The following CD302 variants were observed in gnomAD, a reference collection of about 807,000 sequenced individuals.
CD302 encodes the protein CD302 molecule.
In CD302, 23 loss-of-function variants were observed where a neutral mutation model predicts 26.5. The observed-to-expected ratio is 0.87, with a 90% CI of 0.62 to 1.23. The LOEUF (loss-of-function observed/expected upper bound fraction) is 1.23, where lower values mean the gene tolerates loss of function less well. Ranked by LOEUF, CD302 falls within the 50% of genes most tolerant of loss-of-function variation. CD302 has a pLI of 0.00. For missense variants in CD302, 290 were observed against 275.5 expected (o/e 1.05, Z -0.37); for synonymous variants, 90 against 99.4 (o/e 0.91, Z 0.56).
chr2:159,771,600 C>T lies in CD302; in HGVS notation c.*251G>A. 2.7e-6 allele frequency: 1 copy of T among 373,654 alleles called. No homozygotes were observed. The highest frequency in any genetic ancestry group is 5.2e-5 in the East Asian group (1 of 19,364). 23.1% of individuals were successfully genotyped at this position (373,654 alleles called of 1,614,324 possible). A position where few individuals can be genotyped will look rare whatever the true frequency, so the allele number is the denominator to read the frequency against. ...TCTGCTTGGGCTTTAAGCTTTCCTT[C>T]ATTCAAGTGACAGATTCTGCCTTTG... is the stretch of plus-strand genomic sequence containing the variant. On this transcript the variant is annotated 3_prime_UTR_variant, in exon 6 of 6. Transcript: ENST00000259053.
chr2:159,778,706 A>G (rs1418250484), intron 4 of CD302, among the ~76,000 whole-genome samples: 1 of 152,168 alleles, frequency 6.6e-6, no homozygotes, highest in Non-Finnish European at 1.5e-5. Context: ...TAAAAAAACT[A>G]AAAACTTTTT....
At chr2:159,793,653 A>C (rs1708867914) in intron 1 of CD302, among the ~76,000 whole-genome samples, 1 of 152,214 alleles carries the variant, frequency 6.6e-6, no homozygotes, top group South Asian at 2.1e-4. Context: ...TATTACATTT[A>C]TAATGTATGG....
At chr2:159,777,893 T>C (rs1351163947) in intron 5 of CD302, 45 bp downstream of exon 5, 2 of 943,180 alleles carry the variant, frequency 2.1e-6, no homozygotes, top group Admixed American at 2.5e-5. Flanking sequence ...AATTTTGATA[T>C]ATTTTTAATT....
chr2:159,776,967 T>G (rs1303362839), intron 5 of CD302, among the ~76,000 whole-genome samples: 1 of 152,112 alleles, frequency 6.6e-6, no homozygotes, highest in African/African-American at 2.4e-5. Flanking sequence ...TCAAAAAAAA[T>G]ATGGGTGGCT....
At chr2:159,782,766 T>C (rs1450332131) in intron 2 of CD302, among the ~76,000 whole-genome samples, 2 of 151,962 alleles carry the variant, frequency 1.3e-5, no homozygotes, top group East Asian at 3.9e-4. Flanking sequence ...TACAATGTGA[T>C]GTTATAAATC....
At chr2:159,790,122 A>G (rs1708770189) in intron 1 of CD302, among the ~76,000 whole-genome samples, 1 of 152,176 alleles carries the variant, frequency 6.6e-6, no homozygotes, top group Non-Finnish European at 1.5e-5. Flanking sequence ...AGCAACTCCT[A>G]TGTGTTAGGT....
rs146180671 is a variant in CD302, at chr2:159,782,640, A to C, written c.178+719T>G. ...TTCAGGGGGCTGACATGGGAGGATC[A>C]CTTGAACCCAGGAGTTCAAGGCTGT... is the stretch of plus-strand genomic sequence containing the variant. On this transcript the variant is annotated intron_variant, in intron 2 of 5. Transcript: ENST00000259053. Among the ~76,000 whole-genome samples, 63 of 151,152 alleles carry C rather than the reference A, an allele frequency of 4.2e-4. 1 individual carries two copies. The East Asian group carries it at 0.01, about 25-fold the overall frequency.
intron 1 of CD302, among the ~76,000 whole-genome samples, chr2:159,797,356 CTG>C (rs1682473662): frequency 6.6e-6 from 1 of 152,078 alleles, no homozygotes; most frequent in Non-Finnish European, 1.5e-5. Context: ...TTTTGGAAGT[CTG>C]TGTTCTCCAG....
chr2:159,789,309 GT>G (rs1708747042), intron 1 of CD302, among the ~76,000 whole-genome samples: 1 of 151,820 alleles, frequency 6.6e-6, no homozygotes, highest in African/African-American at 2.4e-5. Flanking sequence ...GCCTACTTCA[GT>G]TTTTCATGCT....
At chr2:159,789,918 TG>T (rs1358316780) in intron 1 of CD302, among the ~76,000 whole-genome samples, 1 of 152,250 alleles carries the variant, frequency 6.6e-6, no homozygotes. Flanking sequence ...CTCAGCAAAC[TG>T]CCTTAGCAGC....
Position 159,770,992 on chromosome 2 carries a change from G to T in CD302, c.*859C>A, listed in dbSNP as rs1335946990. On this transcript the variant is annotated 3_prime_UTR_variant, in exon 6 of 6. Transcript: ENST00000259053. ...ATGATTTTCACCTTTTTCTTAAAAT[G>T]TACAATAAATGCACTGAAAACTTTG... The T allele has an allele frequency of 6.6e-6, 1 of 152,078 alleles. No individual in the cohort carries two copies. The highest frequency in any genetic ancestry group is 1.5e-5 in the Non-Finnish European group (1 of 67,984). The allele number at this position is 152,078 out of a possible 1,614,324, so 9.4% of individuals were successfully genotyped here.
chr2:159,780,738 T>G, intron 3 of CD302, 144 bp downstream of exon 3: 2 of 735,268 alleles, frequency 2.7e-6, no homozygotes, highest in South Asian at 3.1e-5. Flanking sequence ...CAAGCTGTGG[T>G]ATGATCATAG....
intron 1 of CD302, among the ~76,000 whole-genome samples, chr2:159,797,845 T>C (rs1240143000): frequency 3.9e-5 from 6 of 152,070 alleles, no homozygotes; most frequent in Admixed American, 3.9e-4. Context: ...CTGGCCTAAT[T>C]TGGGGGTTCC....
At chr2:159,778,183 C>T (rs1489535784) in intron 4 of CD302, among the ~76,000 whole-genome samples, 1 of 152,050 alleles carries the variant, frequency 6.6e-6, no homozygotes, top group African/African-American at 2.4e-5. Context: ...TAACAACATG[C>T]ATTAGCTTGG....
At chr2:159,784,197 G>A (rs1020147551) in intron 1 of CD302, among the ~76,000 whole-genome samples, 1 of 152,042 alleles carries the variant, frequency 6.6e-6, no homozygotes, top group African/African-American at 2.4e-5. Context: ...GATTTCACTG[G>A]CCAAAATGGA....
In CD302 at chr2:159,798,175, C is replaced by T. The variant is rs1429295966; in HGVS notation, c.24G>A (p.Ala8=). 4.7e-6 allele frequency: 7 copies of T among 1,478,072 alleles called. No individual in the cohort carries two copies. Among genetic ancestry groups the T allele is most frequent in the Non-Finnish European group, 6.2e-6 (7 of 1,120,634 alleles). The allele number at this position is 1,478,072 out of a possible 1,614,324, so 91.6% of individuals were successfully genotyped here. A position where few individuals can be genotyped will look rare whatever the true frequency, so the allele number is the denominator to read the frequency against. ...CGAGGCCCAGCAACGGCAGCAGGAG[C>T]GCGGGCAGCGCGGCCCGGAGCATGA... MLRAALP[A]LLLPLLGLAA... Residue 8 remains alanine (A), a synonymous_variant, in exon 1 of 6, where the codon GCG becomes GCA. Transcript: ENST00000259053.
intron 4 of CD302, among the ~76,000 whole-genome samples, chr2:159,778,936 TA>T (rs1708419861): frequency 6.6e-6 from 1 of 152,024 alleles, no homozygotes; most frequent in Non-Finnish European, 1.5e-5. Context: ...TTCTGTTCAT[TA>T]AAAAACCTTC....
rs1051213881 is a variant in CD302 at position 159,793,987 on chromosome 2, G to A, written c.67+4145C>T. Among the ~76,000 whole-genome samples, 10 of 151,882 alleles carry A rather than the reference G, an allele frequency of 6.6e-5. No homozygotes were observed. The South Asian group carries it at 1.0e-3, about 16-fold the overall frequency. ...TCTCAAAATCTAAAATAGGCCAGGC[G>A]TGGCAGTTCACACCTGTAATCCCAG... is the stretch of plus-strand genomic sequence containing the variant. On this transcript the variant is annotated intron_variant, in intron 1 of 5. Transcript: ENST00000259053.
At chr2:159,782,236 A>ACC (rs986368359) in intron 2 of CD302, among the ~76,000 whole-genome samples, 14 of 151,368 alleles carry the variant, frequency 9.2e-5, no homozygotes, top group African/African-American at 3.2e-4. Flanking sequence ...CAACAGTGAA[A>ACC]CCCCGTCTCT....
Sources: allele counts gnomAD v4.1 joint callset (sites outside exome capture counted in the v4.1 genomes callset), GRCh38; gene constraint gnomAD v4.1.1; transcripts MANE v1.5; gene names NCBI Gene and HGNC (gene_info 2026-07-23, HGNC 2026-07-21).